The following INTS13 variants were observed in gnomAD, a reference collection of about 807,000 sequenced individuals.
INTS13 encodes the protein asunder, spermatogenesis regulator homolog (Drosphila).
In INTS13, 35 loss-of-function variants were observed where a neutral mutation model predicts 90.2. That is an observed-to-expected ratio of 0.39 (90% confidence interval 0.30 to 0.51). The LOEUF (loss-of-function observed/expected upper bound fraction) is 0.51, where lower values mean the gene tolerates loss of function less well. Ranked by LOEUF, INTS13 falls within the 20% of genes least tolerant of loss-of-function variation. The pLI, the probability that INTS13 is intolerant of heterozygous loss-of-function variation, is 0.80. For missense variants in INTS13, 601 were observed against 851.2 expected, an observed-to-expected ratio of 0.71 and a Z score of 3.66; for synonymous variants, 309 against 277.1, an observed-to-expected ratio of 1.11 and a Z score of -1.14.
intron 15 of INTS13, among the ~76,000 whole-genome samples, chr12:26,908,390 A>G (rs753206756): frequency 1.3e-5 from 2 of 152,228 alleles, no homozygotes; most frequent in Non-Finnish European, 2.9e-5. Flanking sequence ...TCTTATTATA[A>G]AACTAATGCA....
rs1951571566 is a variant in INTS13 at position 26,905,301 on chromosome 12, C to T, written c.*196G>A. On this transcript the variant is annotated 3_prime_UTR_variant, in exon 17 of 17. Coordinates refer to ENST00000261191, the MANE Select transcript of INTS13 (RefSeq NM_018164.3). The stretch of plus-strand genomic sequence containing the variant: ...AATAAACTTGTATAATTTGGGAGGA[C>T]AAATCATCTCAAATGTATATTTTTG... The T allele has an allele frequency of 1.2e-5, 6 of 518,000 alleles. No individual in the cohort carries two copies. The Admixed American group carries it at 2.4e-4, about 21-fold the overall frequency. The allele number at this position is 518,000 out of a possible 1,614,324, so 32.1% of individuals were successfully genotyped here.
intron 5 of INTS13, among the ~76,000 whole-genome samples, chr12:26,927,625 AT>A (rs1050405803): frequency 8.6e-5 from 13 of 151,938 alleles, no homozygotes; most frequent in Non-Finnish European, 2.9e-5. Flanking sequence ...ATTAAATTAA[AT>A]TTTTTTTGAG....
intron 3 of INTS13, among the ~76,000 whole-genome samples, chr12:26,932,855 T>C (rs1241526090): frequency 1.3e-5 from 2 of 152,212 alleles, no homozygotes; most frequent in Non-Finnish European, 2.9e-5. Flanking sequence ...CAATGAAGTA[T>C]ATAGTCAGCA....
Position 26,905,512 on chromosome 12 carries a change from T to C in INTS13, c.2106A>G (p.Lys702=), listed in dbSNP as rs1951579911. The change falls in exon 17 of 17, where the codon AAA becomes AAG. Residue 702 remains lysine (K), a synonymous_variant. Coordinates refer to ENST00000261191, the MANE Select transcript of INTS13 (RefSeq NM_018164.3). ...AAGTCACTCTTCACTGCCGGCTGGC[T>C]TTTCCATTTTCTGTTGTCTCCATCC... is the stretch of plus-strand genomic sequence containing the variant. The part of the protein sequence containing the change: ...ENGMETTENG[K]ASRQ 2 of 1,611,178 alleles carry C rather than the reference T, an allele frequency of 1.2e-6. No individual in the cohort carries two copies. Among genetic ancestry groups the C allele is most frequent in the Non-Finnish European group, 1.7e-6 (2 of 1,178,964 alleles).
At chr12:26,924,254 AAGTGCTGGGATTAC>A (rs1937741078) in intron 7 of INTS13, 87 bp downstream of exon 7, 1 of 1,318,868 alleles carries the variant, frequency 7.6e-7, no homozygotes, top group Non-Finnish European at 1.0e-6. Context: ...CAGCCTCCCA[AAGTGCTGGGATTAC>A]AGGCATGAGC....
intron 2 of INTS13, among the ~76,000 whole-genome samples, chr12:26,935,359 C>G (rs1232640795): frequency 6.6e-6 from 1 of 152,162 alleles, no homozygotes; most frequent in Non-Finnish European, 1.5e-5. Flanking sequence ...GGTTAGATTT[C>G]TTTCTTTACT....
intron 3 of INTS13, 89 bp downstream of exon 3, chr12:26,934,467 G>A (rs1416728779): frequency 4.2e-6 from 4 of 951,426 alleles, no homozygotes; most frequent in African/African-American, 3.3e-5. Flanking sequence ...GCAAATCCTA[G>A]AGTGATTTAA....
In INTS13 at chr12:26,936,627, G is replaced by A. The variant is rs764072519; in HGVS notation, c.177C>T (p.Ser59=). 3.7e-6 allele frequency: 6 copies of A among 1,613,106 alleles called. No individual in the cohort carries two copies. In the South Asian group the frequency reaches 6.6e-5, roughly 18 times the overall value. ...KSLWTCSVES[S]MEYCRIMYDI... ...CATACATTATTCTACAATATTCCAT[G>A]GAAGATTCTACTGAGCAAGTCCACA... The change falls in exon 2 of 17, where the codon TCC becomes TCT. Residue 59 remains serine, a synonymous_variant. Transcript: ENST00000261191.
intron 5 of INTS13, among the ~76,000 whole-genome samples, chr12:26,927,618 A>C (rs1329286855): frequency 2.0e-5 from 3 of 152,160 alleles, no homozygotes; most frequent in African/African-American, 7.2e-5. Context: ...AAATTAAATT[A>C]AATTAAATTT....
intron 5 of INTS13, among the ~76,000 whole-genome samples, chr12:26,926,112 A>G (rs1200617973): frequency 6.6e-6 from 1 of 152,196 alleles, no homozygotes; most frequent in Non-Finnish European, 1.5e-5. Context: ...AACTCTTATA[A>G]TTAAGTCTAA....
intron 16 of INTS13, 27 bp from the exon 17 acceptor site, chr12:26,905,563 G>C (rs2137377537): frequency 6.3e-7 from 1 of 1,598,018 alleles, no homozygotes; most frequent in East Asian, 2.3e-5. Flanking sequence ...AAAACGAGTT[G>C]ATAAAATAAA....
At chr12:26,924,263 GATTACAGGC>G in intron 7 of INTS13, 83 bp downstream of exon 7, 4 of 1,412,290 alleles carry the variant, frequency 2.8e-6, no homozygotes, top group Non-Finnish European at 3.9e-6. Context: ...AAAGTGCTGG[GATTACAGGC>G]ATGAGCTACC....
intron 2 of INTS13, among the ~76,000 whole-genome samples, chr12:26,936,019 T>C (rs1420051949): frequency 6.6e-6 from 1 of 152,258 alleles, no homozygotes; most frequent in Non-Finnish European, 1.5e-5. Context: ...TATTTCTTTC[T>C]AATATGGCCA....
chr12:26,911,557 T>TA (rs887721949), intron 14 of INTS13, among the ~76,000 whole-genome samples: 6 of 150,380 alleles, frequency 4.0e-5, no homozygotes, highest in Admixed American at 6.6e-5. Flanking sequence ...CTGTAAAATA[T>TA]AAAAAAAAAG....
At chr12:26,936,249 G>GT (rs1384890967) in intron 2 of INTS13, among the ~76,000 whole-genome samples, 2 of 152,198 alleles carry the variant, frequency 1.3e-5, no homozygotes, top group Non-Finnish European at 2.9e-5. Context: ...GTCAGTCTGT[G>GT]TTCTATACTG....
intron 7 of INTS13, among the ~76,000 whole-genome samples, chr12:26,923,654 G>A (rs568393492): frequency 5.3e-5 from 8 of 152,226 alleles, no homozygotes; most frequent in Non-Finnish European, 1.0e-4. Flanking sequence ...TAATGAAAAT[G>A]AACAGCTAGC....
At chr12:26,916,258 AT>A (rs897334759) in intron 10 of INTS13, 78 bp from the exon 11 acceptor site, 4 of 1,258,880 alleles carry the variant, frequency 3.2e-6, no homozygotes, top group Non-Finnish European at 2.1e-6. Flanking sequence ...TTATGTCTAG[AT>A]TTTTTCATTT....
At chr12:26,936,065 T>C (rs775784629) in intron 2 of INTS13, among the ~76,000 whole-genome samples, 14 of 152,342 alleles carry the variant, frequency 9.2e-5, no homozygotes, top group Non-Finnish European at 1.8e-4. Flanking sequence ...TTGCTAAAAT[T>C]GCAAGCAGCT....
At chr12:26,906,609 A>T in intron 15 of INTS13, 172 bp from the exon 16 acceptor site, 2 of 684,066 alleles carry the variant, frequency 2.9e-6, no homozygotes, top group Non-Finnish European at 4.7e-6. Flanking sequence ...TCTTACTCTA[A>T]AATTTATGTG....
Sources: gnomAD v4.1 joint callset for allele counts (sites outside exome capture counted in the v4.1 genomes callset) on GRCh38, gnomAD v4.1.1 for gene constraint, MANE v1.5 for transcripts, NCBI Gene and HGNC (gene_info 2026-07-23, HGNC 2026-07-21) for gene names.